The following ANK3 variants were observed in gnomAD, a reference collection of about 807,000 sequenced individuals.
The protein encoded by ANK3 is ankyrin 3.
In ANK3, 57 loss-of-function variants were observed where a neutral mutation model predicts 370.9. The ratio of observed to expected loss-of-function variants is 0.15; its 90% CI spans 0.12 to 0.19. The LOEUF is 0.19. ANK3 is among the 10% of genes least tolerant of loss of function. ANK3 has a pLI of 1.00. For missense variants in ANK3, 4,439 were observed against 5,302.1 expected, an observed-to-expected ratio of 0.84 and a Z score of 5.06; for synonymous variants, 1,929 against 1,946.3, an observed-to-expected ratio of 0.99 and a Z score of 0.23.
chr10:60,363,970 G>GTTTTTTTTTTTTTT (rs113960102), intron 1 of ANK3, among the ~76,000 whole-genome samples: 1 of 138,206 alleles, frequency 7.2e-6, no homozygotes. Context: ...AAGGAGAAGT[G>GTTTTTTTTTTTTTT]TTTTTTTTTT....
chr10:60,047,732 T>C (rs2077194561), intron 42 of ANK3, among the ~76,000 whole-genome samples: 1 of 152,232 alleles, frequency 6.6e-6, no homozygotes, highest in Non-Finnish European at 1.5e-5. Flanking sequence ...TATTTGAATT[T>C]TATGAAATTT....
intron 13 of ANK3, among the ~76,000 whole-genome samples, chr10:60,199,540 A>C (rs942821374): frequency 6.6e-6 from 1 of 152,154 alleles, no homozygotes; most frequent in Admixed American, 6.5e-5. Flanking sequence ...GTATATTTAC[A>C]TATTGTAGGT....
chr10:60,044,415 C>T (rs565404766), intron 42 of ANK3: 1 of 778,028 alleles, frequency 1.3e-6, no homozygotes, highest in Non-Finnish European at 1.6e-6. Flanking sequence ...CTCCAAACAC[C>T]ACACACATGC....
chr10:60,266,799 A>G (rs72820491), intron 5 of ANK3, among the ~76,000 whole-genome samples: 2,946 of 152,308 alleles, frequency 0.019, 37 homozygotes, highest in South Asian at 0.035. Flanking sequence ...CTTCAGAGAA[A>G]AATGAGCAGA....
At chr10:60,480,974 C>T (rs138862891) in intron 2 of ANK3, among the ~76,000 whole-genome samples, 1 of 152,172 alleles carries the variant, frequency 6.6e-6, no homozygotes, top group African/African-American at 2.4e-5. Context: ...ATGAACTAGA[C>T]TGCCAGTGCA....
chr10:60,423,262 G>A (rs1295451508), intron 2 of ANK3, among the ~76,000 whole-genome samples: 2 of 151,858 alleles, frequency 1.3e-5, no homozygotes, highest in Non-Finnish European at 2.9e-5. Context: ...TCCACATTAG[G>A]TATCTGCACA....
intron 23 of ANK3, among the ~76,000 whole-genome samples, chr10:60,151,841 ATGT>A (rs1009614914): frequency 7.2e-5 from 11 of 152,202 alleles, no homozygotes; most frequent in African/African-American, 2.7e-4. Context: ...TCCAGCACTG[ATGT>A]TGTGTGACCT....
chr10:60,261,722 G>T, intron 7 of ANK3, 137 bp downstream of exon 7: 1 of 673,758 alleles, frequency 1.5e-6, no homozygotes, highest in East Asian at 2.8e-5. Flanking sequence ...ACATACACTA[G>T]GATGAGTAGA....
At chr10:60,688,082 A>G (rs2079294767) in intron 1 of ANK3, among the ~76,000 whole-genome samples, 1 of 151,032 alleles carries the variant, frequency 6.6e-6, no homozygotes, top group Non-Finnish European at 1.5e-5. Context: ...AGAATTACTA[A>G]CTTTTTTTTT....
At chr10:60,645,799 G>A (rs2078702840) in intron 1 of ANK3, among the ~76,000 whole-genome samples, 1 of 152,182 alleles carries the variant, frequency 6.6e-6, no homozygotes, top group East Asian at 1.9e-4. Flanking sequence ...AAACACAGTT[G>A]ATCTTATGTT....
chr10:60,331,390 C>A (rs2051253893), intron 1 of ANK3, among the ~76,000 whole-genome samples: 1 of 151,290 alleles, frequency 6.6e-6, no homozygotes, highest in Non-Finnish European at 1.5e-5. Flanking sequence ...TGTTATACAC[C>A]AAAATTAAAC....
intron 1 of ANK3, among the ~76,000 whole-genome samples, chr10:60,708,840 A>G (rs1265218677): frequency 2.0e-5 from 3 of 152,188 alleles, no homozygotes; most frequent in Non-Finnish European, 2.9e-5. Context: ...AGGAAATTAC[A>G]CCTGAAAGAA....
At chr10:60,561,357 A>G (rs1417532215) in intron 2 of ANK3, among the ~76,000 whole-genome samples, 1 of 152,200 alleles carries the variant, frequency 6.6e-6, no homozygotes, top group Non-Finnish European at 1.5e-5. Flanking sequence ...TTTATTGAGT[A>G]GACTGGGTAC....
intron 4 of ANK3, among the ~76,000 whole-genome samples, chr10:60,277,830 A>C (rs7068769): frequency 0.033 from 5,079 of 152,230 alleles, 270 homozygotes; most frequent in African/African-American, 0.11. Flanking sequence ...TGGGGAGACA[A>C]TGACAAATAA....
chr10:60,640,003 T>C (rs1380975065), intron 1 of ANK3, among the ~76,000 whole-genome samples: 1 of 150,920 alleles, frequency 6.6e-6, no homozygotes, highest in African/African-American at 2.4e-5. Context: ...AAAAGTAAAA[T>C]GACGAAAGAA....
intron 2 of ANK3, among the ~76,000 whole-genome samples, chr10:60,438,966 T>C (rs918157344): frequency 6.6e-6 from 1 of 152,224 alleles, no homozygotes; most frequent in Non-Finnish European, 1.5e-5. Flanking sequence ...ACCTAGTCTG[T>C]CATTCCCTTT....
chr10:60,030,496 C>T (rs574648228), intron 43 of ANK3, among the ~76,000 whole-genome samples: 116 of 152,164 alleles, frequency 7.6e-4, no homozygotes, highest in Non-Finnish European at 1.3e-3. Context: ...ATGGACACCC[C>T]CAGGATGAAG....
At chr10:60,328,151 C>G (rs185203232) in intron 1 of ANK3, among the ~76,000 whole-genome samples, 3 of 152,172 alleles carry the variant, frequency 2.0e-5, no homozygotes, top group African/African-American at 7.2e-5. Context: ...GAACTCAAGT[C>G]GATGCAGTGG....
intron 36 of ANK3, among the ~76,000 whole-genome samples, chr10:60,079,920 G>A (rs922719060): frequency 1.3e-5 from 2 of 152,022 alleles, no homozygotes; most frequent in African/African-American, 2.4e-5. Context: ...GAACCAAAAC[G>A]ATCATTGAGA....
Sources: gnomAD v4.1 joint callset for allele counts (sites outside exome capture counted in the v4.1 genomes callset) on GRCh38, gnomAD v4.1.1 for gene constraint, MANE v1.5 for transcripts, NCBI Gene and HGNC (gene_info 2026-07-23, HGNC 2026-07-21) for gene names.